CCDC91: variants seen among roughly 807,000 people sequenced by gnomAD.
CCDC91 encodes coiled-coil domain-containing protein 91.
Under a neutral mutation model 63.2 loss-of-function variants are expected in CCDC91, and 48 were observed. That is an observed-to-expected ratio of 0.76 (90% CI 0.60 to 0.97). The LOEUF (loss-of-function observed/expected upper bound fraction) is 0.97, where lower values mean the gene tolerates loss of function less well. Among genes scored for constraint, CCDC91 ranks in the 50% least tolerant of loss-of-function variants. The pLI is 0.00. For missense variants in CCDC91, 500 were observed against 494.6 expected (o/e 1.01, Z -0.10); for synonymous variants, 167 against 165.8 (o/e 1.01, Z -0.06).
chr12:28,228,683 C>G (rs1233401657), intron 1 of CCDC91, among the ~76,000 whole-genome samples: 1 of 152,096 alleles, frequency 6.6e-6, no homozygotes, highest in Non-Finnish European at 1.5e-5. Flanking sequence ...AAGAGTTAGT[C>G]TCTGCATTCA....
chr12:28,386,428 G>C (rs1326023042), intron 7 of CCDC91, among the ~76,000 whole-genome samples: 8 of 152,084 alleles, frequency 5.3e-5, no homozygotes, highest in Admixed American at 2.0e-4. Flanking sequence ...GAGTGCAGTG[G>C]CATGATCTCA....
rs1314304982 is a variant in CCDC91, at chr12:28,303,526, A to G, written c.110-2123A>G. On this transcript the variant is annotated intron_variant, in intron 3 of 12. Coordinates refer to ENST00000536442, the MANE Select transcript of CCDC91 (RefSeq NM_018318.5). Reference sequence around the variant, plus strand: ...GACATCTTATCTTATGCCTATAAATATGAGTAACATAAATAAATATTAAAA... The same window carrying G: ...GACATCTTATCTTATGCCTATAAATGTGAGTAACATAAATAAATATTAAAA... Among the ~76,000 whole-genome samples the G allele has an allele frequency of 3.3e-5, 5 of 152,314 alleles. No individual in the cohort carries two copies. The East Asian group carries it at 9.7e-4, about 29-fold the overall frequency.
chr12:28,497,665 C>G (rs1279505476), intron 12 of CCDC91, among the ~76,000 whole-genome samples: 1 of 151,540 alleles, frequency 6.6e-6, no homozygotes, highest in Non-Finnish European at 1.5e-5. Flanking sequence ...AATAGTCCCA[C>G]TATTCTTTTC....
At chr12:28,304,375 T>TAAAAAAAAAAAAAAAA (rs777296414) in intron 3 of CCDC91, among the ~76,000 whole-genome samples, 3 of 73,584 alleles carry the variant, frequency 4.1e-5, no homozygotes, top group African/African-American at 1.8e-4. Flanking sequence ...AGACTCCGTC[T>TAAAAAAAAAAAAAAAA]AAAAAAAAAA....
At chr12:28,362,944 TATC>T (rs1203225029) in intron 7 of CCDC91, among the ~76,000 whole-genome samples, 5 of 152,242 alleles carry the variant, frequency 3.3e-5, no homozygotes, top group Admixed American at 2.6e-4. Flanking sequence ...TAACAGAAAT[TATC>T]ATGTCAGTAT....
chr12:28,321,110 A>T (rs1338849030), intron 6 of CCDC91, among the ~76,000 whole-genome samples: 1 of 151,820 alleles, frequency 6.6e-6, no homozygotes, highest in African/African-American at 2.4e-5. Context: ...AGTAAATGCT[A>T]TTTGAGCATT....
At chr12:28,535,846 G>A (rs377400501) in intron 12 of CCDC91, among the ~76,000 whole-genome samples, 2 of 151,930 alleles carry the variant, frequency 1.3e-5, no homozygotes, top group Admixed American at 1.3e-4. Flanking sequence ...GGCTAACACG[G>A]TGAAACCCCG....
chr12:28,304,682 T>A, intron 3 of CCDC91: 1 of 1,273,286 alleles, frequency 7.9e-7, no homozygotes, highest in Non-Finnish European at 1.0e-6. Context: ...AGAACTTCAC[T>A]GAAGTTGCTG....
At chr12:28,427,580 T>C (rs544443937) in intron 8 of CCDC91, among the ~76,000 whole-genome samples, 67 of 152,198 alleles carry the variant, frequency 4.4e-4, no homozygotes, top group African/African-American at 1.6e-3. Context: ...TTCCTCAAAA[T>C]TGTCATTGAA....
chr12:28,318,523 A>G (rs1054797959), intron 6 of CCDC91, among the ~76,000 whole-genome samples: 5 of 151,998 alleles, frequency 3.3e-5, no homozygotes, highest in African/African-American at 9.7e-5. Flanking sequence ...CCTCAGTGAC[A>G]GAGCCAGACC....
In CCDC91 at chr12:28,291,296, A is replaced by G. The variant is rs532355699; in HGVS notation, c.110-14353A>G. Among the ~76,000 whole-genome samples the G allele has an allele frequency of 7.2e-5, 11 of 152,318 alleles. No individual in the cohort carries two copies. The East Asian group carries it at 1.7e-3, about 24-fold the overall frequency. ...AGCGGTAGTTGGTTGGCAAGAGGTC[A>G]GGTAAATATAGCAGATGAGACAAAA... On this transcript the variant is annotated intron_variant, in intron 3 of 12. Transcript: ENST00000536442.
At chr12:28,491,730 T>C (rs1952012094) in intron 12 of CCDC91, among the ~76,000 whole-genome samples, 1 of 151,856 alleles carries the variant, frequency 6.6e-6, no homozygotes, top group Non-Finnish European at 1.5e-5. Flanking sequence ...ATTCTTGATA[T>C]ACCTTTTGGA....
At position 28,450,151 on chromosome 12, in the gene CCDC91, T is replaced by A; in HGVS notation, c.763-10T>A. ...GAGCCATAATATAATTTGCTTATCA[T>A]TCCTTGTAGCATCAGAGGCTCCTTG... On this transcript the variant is annotated splice_polypyrimidine_tract_variant and intron_variant, in intron 8 of 12. Coordinates refer to ENST00000536442, the MANE Select transcript of CCDC91 (RefSeq NM_018318.5). 2 of 1,548,202 alleles carry A rather than the reference T, an allele frequency of 1.3e-6. No individual in the cohort carries two copies. Among genetic ancestry groups the A allele is most frequent in the Non-Finnish European group, 8.8e-7 (1 of 1,131,526 alleles).
Position 28,448,038 on chromosome 12 carries a change from C to T in CCDC91, c.763-2123C>T, listed in dbSNP as rs191065099. On this transcript the variant is annotated intron_variant, in intron 8 of 12. Transcript: ENST00000536442. Reference sequence around the variant, plus strand: ...TGGCAATGAGGCCTTACTTGACATACGGATTACATTATGTAGCTTTTAATT... The same window carrying T: ...TGGCAATGAGGCCTTACTTGACATATGGATTACATTATGTAGCTTTTAATT... Among the ~76,000 whole-genome samples, 512 of 152,154 alleles carry T rather than the reference C, an allele frequency of 3.4e-3. 5 individuals are homozygous for T. Among genetic ancestry groups the T allele is most frequent in the Non-Finnish European group, 4.7e-3 (320 of 67,982 alleles).
chr12:28,453,204 C>T (rs1949899373), intron 11 of CCDC91, among the ~76,000 whole-genome samples: 1 of 151,930 alleles, frequency 6.6e-6, no homozygotes, highest in Admixed American at 6.6e-5. Context: ...GATTGTTTAT[C>T]TGACAATTAA....
chr12:28,482,045 T>G (rs1039022452), intron 11 of CCDC91, among the ~76,000 whole-genome samples: 14 of 152,002 alleles, frequency 9.2e-5, no homozygotes, highest in African/African-American at 3.1e-4. Context: ...TAAGGATTTT[T>G]GTAACTCACC....
In CCDC91 at chr12:28,351,650, G is replaced by A. The variant is rs79154320; in HGVS notation, c.577-10788G>A. Among the ~76,000 whole-genome samples the A allele has an allele frequency of 3.6e-3, 542 of 151,552 alleles. 7 individuals are homozygous for A. The highest frequency in any genetic ancestry group is 0.012 in the African/African-American group (501 of 41,334). Reference sequence around the variant, plus strand: ...CCTCTGGGCCCTGGGCTTTGCAACCGTAGATCTAACCTCAGGTCATTCCTC... The same window carrying A: ...CCTCTGGGCCCTGGGCTTTGCAACCATAGATCTAACCTCAGGTCATTCCTC... On this transcript the variant is annotated intron_variant, in intron 6 of 12. Transcript: ENST00000536442.
chr12:28,401,489 T>C (rs1361574000), intron 8 of CCDC91, among the ~76,000 whole-genome samples: 1 of 151,944 alleles, frequency 6.6e-6, no homozygotes, highest in African/African-American at 2.4e-5. Flanking sequence ...GGGGACACCA[T>C]ATCAGGAGGC....
At chr12:28,528,085 T>C (rs920075640) in intron 12 of CCDC91, among the ~76,000 whole-genome samples, 4 of 152,186 alleles carry the variant, frequency 2.6e-5, no homozygotes, top group Non-Finnish European at 4.4e-5. Context: ...GTCTGCACGC[T>C]GGATTCATGC....
Sources: allele counts gnomAD v4.1 joint callset (sites outside exome capture counted in the v4.1 genomes callset), GRCh38; gene constraint gnomAD v4.1.1; transcripts MANE v1.5; gene names NCBI Gene and HGNC (gene_info 2026-07-23, HGNC 2026-07-21).